Variants in ELMO1 observed in about 807,000 individuals in gnomAD.
ELMO1 encodes engulfment and cell motility 1.
ELMO1 carries 26 observed loss-of-function variants against 98.9 expected under a neutral mutation model. The observed-to-expected ratio is 0.26, with a 90% CI of 0.19 to 0.36. The LOEUF (loss-of-function observed/expected upper bound fraction) is 0.36. Ranked by LOEUF, ELMO1 falls within the 10% of genes least tolerant of loss-of-function variation. The pLI is 1.00. For synonymous variants in ELMO1, 346 were observed against 346.0 expected (o/e 1.00, Z 0.00); for missense variants, 627 against 935.2 (o/e 0.67, Z 4.30).
At chr7:37,087,504 T>C (rs1783853062) in intron 15 of ELMO1, among the ~76,000 whole-genome samples, 1 of 152,140 alleles carries the variant, frequency 6.6e-6, no homozygotes, top group Non-Finnish European at 1.5e-5. Flanking sequence ...TTAAATATTA[T>C]GAAACACTAT....
At chr7:37,216,264 C>G (rs1793275116) in intron 11 of ELMO1, among the ~76,000 whole-genome samples, 1 of 151,972 alleles carries the variant, frequency 6.6e-6, no homozygotes, top group African/African-American at 2.4e-5. Context: ...CTCAGGACTT[C>G]TCTTGGTACC....
In ELMO1 at chr7:37,300,972, C is replaced by T. The variant is rs368427670; in HGVS notation, c.192+13878G>A. On this transcript the variant is annotated intron_variant, in intron 4 of 21. Coordinates refer to ENST00000310758, the MANE Select transcript of ELMO1 (RefSeq NM_014800.11). The stretch of plus-strand genomic sequence containing the variant: ...CCTGTTATTGGTCTATTAAGAGATT[C>T]AACTTCTTCCTGGTTTAGTCTTGGG... Among the ~76,000 whole-genome samples the T allele has an allele frequency of 2.2e-4, 33 of 152,064 alleles. 1 individual carries two copies. The East Asian group carries it at 3.7e-3, about 17-fold the overall frequency.
chr7:37,318,490 G>A (rs1799322436), intron 2 of ELMO1, among the ~76,000 whole-genome samples: 1 of 152,130 alleles, frequency 6.6e-6, no homozygotes, highest in Non-Finnish European at 1.5e-5. Flanking sequence ...AGTCTCAGAG[G>A]AATTACTTGG....
rs184368655 is a variant in ELMO1 at position 37,029,779 on chromosome 7, C to T, written c.1301-16344G>A. The stretch of plus-strand genomic sequence containing the variant: ...ACGAATAAAACATTCTTTTTTTATT[C>T]CTGGGCCACTGGGATGGAGGCATGT... On this transcript the variant is annotated intron_variant, in intron 15 of 21. Transcript: ENST00000310758. Among the ~76,000 whole-genome samples the T allele has an allele frequency of 2.2e-4, 33 of 152,118 alleles. No individual in the cohort carries two copies. In the East Asian group the frequency reaches 6.4e-3, roughly 29 times the overall value.
chr7:37,171,717 C>A (rs1393781918), intron 13 of ELMO1, among the ~76,000 whole-genome samples: 6 of 151,928 alleles, frequency 3.9e-5, no homozygotes, highest in African/African-American at 1.5e-4. Context: ...TGGTCTCGAT[C>A]TCCTGACCTC....
chr7:37,102,949 T>C (rs1428293074), intron 14 of ELMO1, among the ~76,000 whole-genome samples: 1 of 152,200 alleles, frequency 6.6e-6, no homozygotes, highest in East Asian at 1.9e-4. Flanking sequence ...AGAAACAAAC[T>C]TCCTGGATCT....
At chr7:37,050,646 ACACACACACACAC>A (rs1446097632) in intron 15 of ELMO1, among the ~76,000 whole-genome samples, 3 of 151,334 alleles carry the variant, frequency 2.0e-5, no homozygotes, top group Admixed American at 6.6e-5. Context: ...ACACACACAC[ACACACACACACAC>A]AAAAGGTAAC....
In ELMO1 at chr7:36,894,882, G is replaced by T; in HGVS notation, c.1573C>A (p.Gln525Lys). Residue 525 changes from glutamine (Q) to lysine (K), a missense_variant, in exon 17 of 22, where the codon CAG (glutamine) becomes AAG (lysine). Around this residue, in one of 3 missense-constraint regions of ELMO1, gnomAD observed 492 missense variants for 715.6 expected, o/e 0.69. Transcript: ENST00000310758. ...LKIRQSERMN[Q>K]EDFQSRPILE... ...ATCGGGCGGGACTGGAAATCTTCCT[G>T]GTTCATCCTCTCGGACTGGCGGATT... 1 of 1,614,138 alleles carries T rather than the reference G, an allele frequency of 6.2e-7. No individual in the cohort carries two copies.
intron 2 of ELMO1, among the ~76,000 whole-genome samples, chr7:37,321,178 C>A (rs1799471486): frequency 6.6e-6 from 1 of 152,196 alleles, no homozygotes; most frequent in Non-Finnish European, 1.5e-5. Context: ...AGCCTGGTAT[C>A]CTTGTTTGTT....
intron 15 of ELMO1, among the ~76,000 whole-genome samples, chr7:37,065,821 G>A (rs959399867): frequency 6.6e-6 from 1 of 152,096 alleles, no homozygotes. Context: ...CGCAATCTGG[G>A]AAAAAGAAAC....
chr7:37,062,481 T>G (rs1354526907), intron 15 of ELMO1, among the ~76,000 whole-genome samples: 5 of 152,202 alleles, frequency 3.3e-5, no homozygotes, highest in Admixed American at 3.3e-4. Flanking sequence ...GACATGTAAC[T>G]ACCATGAAAA....
intron 1 of ELMO1, among the ~76,000 whole-genome samples, chr7:37,382,233 C>CTCCTA (rs1440071991): frequency 6.6e-6 from 1 of 152,170 alleles, no homozygotes; most frequent in Non-Finnish European, 1.5e-5. Flanking sequence ...AAAATGTTTT[C>CTCCTA]TCCTAAGCCC....
At chr7:37,033,989 A>G (rs1175648399) in intron 15 of ELMO1, among the ~76,000 whole-genome samples, 2 of 152,246 alleles carry the variant, frequency 1.3e-5, no homozygotes, top group African/African-American at 2.4e-5. Context: ...GGACTTACTT[A>G]CATTGTATTC....
chr7:37,267,027 ATATG>A (rs1429567509), intron 5 of ELMO1, among the ~76,000 whole-genome samples: 5 of 92,710 alleles, frequency 5.4e-5, no homozygotes, highest in African/African-American at 2.3e-4. Context: ...AAAAAAAAAA[ATATG>A]TATATATACA....
intron 4 of ELMO1, among the ~76,000 whole-genome samples, chr7:37,284,402 G>A (rs549098919): frequency 2.0e-5 from 3 of 152,304 alleles, no homozygotes; most frequent in African/African-American, 7.2e-5. Flanking sequence ...GGAAGGGAAT[G>A]CGTTCAGAAG....
chr7:37,306,752 G>C (rs1798633555), intron 4 of ELMO1, among the ~76,000 whole-genome samples: 2 of 152,050 alleles, frequency 1.3e-5, no homozygotes, highest in African/African-American at 4.8e-5. Flanking sequence ...AAAAAATAAA[G>C]CACTGCAGAA....
chr7:37,101,692 A>T (rs974378048), intron 14 of ELMO1, among the ~76,000 whole-genome samples: 10 of 151,848 alleles, frequency 6.6e-5, no homozygotes, highest in Admixed American at 3.9e-4. Flanking sequence ...TCAGTATCTT[A>T]TCAGCAGGTG....
intron 13 of ELMO1, among the ~76,000 whole-genome samples, chr7:37,201,731 A>T (rs1047531837): frequency 2.6e-5 from 4 of 152,222 alleles, no homozygotes; most frequent in Non-Finnish European, 1.5e-5. Flanking sequence ...AGTTCAGGGG[A>T]CTGGCTGAGA....
chr7:37,074,743 C>T (rs770963804), intron 15 of ELMO1, among the ~76,000 whole-genome samples: 21 of 152,238 alleles, frequency 1.4e-4, no homozygotes, highest in Non-Finnish European at 1.2e-4. Flanking sequence ...AGGGAGAGAA[C>T]GTACCAAAGA....
Sources: gnomAD v4.1 joint callset for allele counts (sites outside exome capture counted in the v4.1 genomes callset) on GRCh38, gnomAD v4.1.1 for gene constraint, gnomAD v4.1.1 regional missense constraint, MANE v1.5 for transcripts, NCBI Gene and HGNC (gene_info 2026-07-23, HGNC 2026-07-21) for gene names.